The following GPAT4 variants were observed in gnomAD, a reference collection of about 807,000 sequenced individuals.
GPAT4 encodes glycerol-3-phosphate acyltransferase 4, also known as 1-AGP acyltransferase 6.
In GPAT4, 17 loss-of-function variants were observed where a neutral mutation model predicts 58.0. The ratio of observed to expected loss-of-function variants is 0.29; its 90% CI spans 0.20 to 0.44. GPAT4 has a LOEUF of 0.44. Among genes scored for constraint, GPAT4 ranks in the 20% least tolerant of loss-of-function variants. The probability of loss-of-function intolerance (pLI) is 1.00; values close to 1 mark genes in which losing one functional copy is unlikely to be tolerated. For synonymous variants in GPAT4, 204 were observed against 210.1 expected (o/e 0.97, Z 0.25); for missense variants, 377 against 574.5 (o/e 0.66, Z 3.51).
intron 2 of GPAT4, among the ~76,000 whole-genome samples, chr8:41,601,321 G>A (rs1334189186): frequency 6.6e-6 from 1 of 152,116 alleles, no homozygotes; most frequent in East Asian, 1.9e-4. Context: ...GAGGAGTAGT[G>A]ATCTAGTCAG....
At chr8:41,602,431 G>C (rs1425715656) in intron 2 of GPAT4, among the ~76,000 whole-genome samples, 1 of 152,220 alleles carries the variant, frequency 6.6e-6, no homozygotes, top group African/African-American at 2.4e-5. Flanking sequence ...GACCATTACA[G>C]CCTGGCTGTA....
chr8:41,620,952 T>C lies in GPAT4; in HGVS notation c.1322T>C (p.Leu441Pro). Reference sequence around the variant, plus strand: ...ACGTTCAAGGAGGAGCAGCAGAAGCTGTACAGCAAGATGATCGTGGGGAAC... The same window carrying C: ...ACGTTCAAGGAGGAGCAGCAGAAGCCGTACAGCAAGATGATCGTGGGGAAC... ...KDTFKEEQQKLYSKMIVGNHK... is the reference protein window; with the variant it reads ...KDTFKEEQQKPYSKMIVGNHK... Residue 441 changes from leucine (L) to proline (P), a missense_variant, in exon 13 of 13, where the codon CTG becomes CCG. Leu to Pro is a moderately conservative substitution (Grantham distance 98). Coordinates refer to ENST00000396987, the MANE Select transcript of GPAT4 (RefSeq NM_178819.4). The C allele has an allele frequency of 6.4e-7, 1 of 1,551,702 alleles. No homozygotes were observed. Among genetic ancestry groups the C allele is most frequent in the Non-Finnish European group, 8.7e-7 (1 of 1,147,262 alleles).
Position 41,609,927 on chromosome 8 carries a change from A to G in GPAT4, c.508A>G (p.Ile170Val). The change falls in exon 4 of 13, where the codon ATT (isoleucine) becomes GTT (valine). Residue 170 changes from isoleucine to valine, a missense_variant. Coordinates refer to ENST00000396987, the MANE Select transcript of GPAT4 (RefSeq NM_178819.4). ...LTVLWGLGVL[I>V]RYCFLLPLRI... ...GGTCCTGTGGGGGTTAGGAGTGCTG[A>G]TTCGGTACTGCTTTCTGCTGCCGCT... 1 of 1,611,608 alleles carries G rather than the reference A, an allele frequency of 6.2e-7. No homozygotes were observed. The highest frequency in any genetic ancestry group is 1.1e-5 in the South Asian group (1 of 90,850).
chr8:41,613,010 A>T lies in GPAT4; in HGVS notation c.911+50A>T, dbSNP rs772296591. Reference sequence around the variant, plus strand: ...TGCTTGGCCAGTTAGAATGCTGAAAAGGTTTCAGGGTAGTTATCCCTCCAC... The same window carrying T: ...TGCTTGGCCAGTTAGAATGCTGAAATGGTTTCAGGGTAGTTATCCCTCCAC... On this transcript the variant is annotated intron_variant, in intron 8 of 12. Coordinates refer to ENST00000396987, the MANE Select transcript of GPAT4 (RefSeq NM_178819.4). The T allele has an allele frequency of 2.9e-5, 45 of 1,532,334 alleles. No homozygotes were observed. The South Asian group carries it at 4.7e-4, about 16-fold the overall frequency. The allele number at this position is 1,532,334 out of a possible 1,614,324, so 94.9% of individuals were successfully genotyped here.
intron 2 of GPAT4, among the ~76,000 whole-genome samples, chr8:41,608,630 A>G (rs1421946312): frequency 2.0e-5 from 3 of 152,194 alleles, no homozygotes; most frequent in African/African-American, 7.2e-5. Flanking sequence ...AATAATCAGG[A>G]CAGAGTGCTT....
chr8:41,602,668 C>T (rs11996226), intron 2 of GPAT4, among the ~76,000 whole-genome samples: 35,509 of 152,034 alleles, frequency 0.23, 4,192 homozygotes, highest in East Asian at 0.29. Context: ...CTAAAATACA[C>T]CTAACACTTG....
At chr8:41,580,870 C>G (rs1393991570) in intron 1 of GPAT4, among the ~76,000 whole-genome samples, 1 of 152,126 alleles carries the variant, frequency 6.6e-6, no homozygotes, top group Non-Finnish European at 1.5e-5. Flanking sequence ...TGTGGCTAGG[C>G]TCTTCAGAGG....
intron 2 of GPAT4, among the ~76,000 whole-genome samples, chr8:41,608,314 C>T (rs1358723205): frequency 2.0e-5 from 3 of 152,370 alleles, no homozygotes; most frequent in Admixed American, 1.3e-4. Context: ...CCCTGGGCCA[C>T]GTGCATCTTC....
chr8:41,614,872 T>G, intron 9 of GPAT4, 91 bp from the exon 10 acceptor site: 2 of 1,050,150 alleles, frequency 1.9e-6, no homozygotes, highest in Non-Finnish European at 2.8e-6. Flanking sequence ...ATTAGAAGAA[T>G]TTTGACTATT....
intron 1 of GPAT4, among the ~76,000 whole-genome samples, chr8:41,590,170 G>C (rs1802753179): frequency 6.6e-6 from 1 of 151,794 alleles, no homozygotes; most frequent in Non-Finnish European, 1.5e-5. Flanking sequence ...ACCCATGCTG[G>C]AGTCTTCCCA....
intron 1 of GPAT4, among the ~76,000 whole-genome samples, chr8:41,586,912 T>C (rs909415997): frequency 6.6e-6 from 1 of 152,356 alleles, no homozygotes. Context: ...ATCCAGATTG[T>C]ACCTGCAGAG....
chr8:41,585,134 C>T (rs569941226), intron 1 of GPAT4, among the ~76,000 whole-genome samples: 6 of 152,266 alleles, frequency 3.9e-5, no homozygotes, highest in Admixed American at 3.3e-4. Context: ...CTACCAGTCC[C>T]GATACACTCG....
At chr8:41,619,106 C>A in intron 12 of GPAT4, 129 bp downstream of exon 12, 2 of 1,173,586 alleles carry the variant, frequency 1.7e-6, no homozygotes, top group Non-Finnish European at 1.2e-6. Context: ...CAGTTTGACT[C>A]TCCCCGAATT....
At chr8:41,601,296 T>C (rs949126395) in intron 2 of GPAT4, among the ~76,000 whole-genome samples, 4 of 152,164 alleles carry the variant, frequency 2.6e-5, no homozygotes, top group African/African-American at 9.7e-5. Context: ...GTGAATCAGA[T>C]GCATATTAAA....
rs181417920 is a variant in GPAT4, at chr8:41,582,152, C to A, written c.-849+3874C>A. 8.5e-4 allele frequency among the ~76,000 whole-genome samples: 128 copies of A among 150,494 alleles called. 1 individual carries two copies. The highest frequency in any genetic ancestry group is 8.4e-3 in the Admixed American group (127 of 15,068). On this transcript the variant is annotated intron_variant, in intron 1 of 12. Transcript: ENST00000396987. ...CCAAGTAGCTGGGATTACAGGCATG[C>A]GCCACCACGCCCAGTTAATTTTTGT... is the stretch of plus-strand genomic sequence containing the variant.
intron 1 of GPAT4, among the ~76,000 whole-genome samples, chr8:41,588,502 TTC>T (rs1383841708): frequency 6.6e-6 from 1 of 152,200 alleles, no homozygotes; most frequent in Admixed American, 6.5e-5. Context: ...CTTTTCTCTC[TTC>T]TCTCTTTTCT....
chr8:41,581,774 G>A lies in GPAT4; in HGVS notation c.-849+3496G>A, dbSNP rs192763084. 2.8e-3 allele frequency among the ~76,000 whole-genome samples: 421 copies of A among 150,504 alleles called. 11 individuals are homozygous for A. In the East Asian group the frequency reaches 0.051, roughly 18 times the overall value. On this transcript the variant is annotated intron_variant, in intron 1 of 12. Transcript: ENST00000396987. ...CTCCTCAGTAGCTGGGATTACAGGC[G>A]CCTGCCACCACGCCCGGCTAATTTT...
intron 1 of GPAT4, among the ~76,000 whole-genome samples, chr8:41,590,575 C>G (rs1010031313): frequency 6.6e-6 from 1 of 152,188 alleles, no homozygotes; most frequent in African/African-American, 2.4e-5. Context: ...CACCGTACAG[C>G]CATCGTGAGG....
chr8:41,590,572 C>T (rs921811952), intron 1 of GPAT4, among the ~76,000 whole-genome samples: 1 of 152,204 alleles, frequency 6.6e-6, no homozygotes, highest in African/African-American at 2.4e-5. Flanking sequence ...CTCCACCGTA[C>T]AGCCATCGTG....
Sources: gnomAD v4.1 joint callset for allele counts (sites outside exome capture counted in the v4.1 genomes callset) on GRCh38, gnomAD v4.1.1 for gene constraint, MANE v1.5 for transcripts, NCBI Gene and HGNC (gene_info 2026-07-23, HGNC 2026-07-21) for gene names.